The following MERTK variants were observed in gnomAD, a reference collection of about 807,000 sequenced individuals.
MERTK encodes the protein tyrosine-protein kinase Mer.
Under a neutral mutation model 99.3 loss-of-function variants are expected in MERTK, and 69 were observed. The observed-to-expected ratio is 0.70, with a 90% CI of 0.57 to 0.85. The LOEUF is 0.85. Ranked by LOEUF, MERTK falls within the 40% of genes least tolerant of loss-of-function variation. The probability of loss-of-function intolerance (pLI) is 0.00; values close to 1 mark genes in which losing one functional copy is unlikely to be tolerated. For missense variants in MERTK, 1,125 were observed against 1,249.4 expected (o/e 0.90, Z 1.50); for synonymous variants, 426 against 467.6 (o/e 0.91, Z 1.15).
At chr2:111,964,816 A>C (rs561659412) in intron 4 of MERTK, among the ~76,000 whole-genome samples, 6 of 152,336 alleles carry the variant, frequency 3.9e-5, no homozygotes, top group African/African-American at 1.2e-4. Flanking sequence ...TATGCATAGC[A>C]TAGTGGCCCT....
chr2:111,923,559 A>G (rs375040882), intron 1 of MERTK, among the ~76,000 whole-genome samples: 2 of 152,340 alleles, frequency 1.3e-5, no homozygotes, highest in South Asian at 2.1e-4. Flanking sequence ...GTTTATGTGA[A>G]GTTAAAATTC....
chr2:111,993,949 T>C (rs944583406), intron 8 of MERTK, among the ~76,000 whole-genome samples: 27 of 152,326 alleles, frequency 1.8e-4, no homozygotes, highest in Middle Eastern at 6.8e-3. Context: ...AGGCTTGCTC[T>C]GCCGTCCGGG....
rs779091460 is a variant in MERTK at position 112,003,914 on chromosome 2, G to A, written c.1797G>A (p.Gly599=). ...LGKILGEGEF[G]SVMEGNLKQE... Reference sequence around the variant, plus strand: ...TCTTTCACTTCACAGGAGAGTTTGGGTCTGTAATGGAAGGAAATCTTAAGC... The same window carrying A: ...TCTTTCACTTCACAGGAGAGTTTGGATCTGTAATGGAAGGAAATCTTAAGC... The change falls in exon 13 of 19, where the codon GGG becomes GGA. Residue 599 remains glycine, a synonymous_variant. Transcript: ENST00000295408. 6.2e-7 allele frequency: 1 copy of A among 1,613,468 alleles called. No homozygotes were observed. The highest frequency in any genetic ancestry group is 1.1e-5 in the South Asian group (1 of 91,076).
intron 3 of MERTK, among the ~76,000 whole-genome samples, chr2:111,946,508 G>A (rs1684964460): frequency 6.6e-6 from 1 of 152,118 alleles, no homozygotes. Context: ...GAGCTTCCTT[G>A]GGACCTTGAT....
intron 2 of MERTK, chr2:111,940,923 T>A (rs1270529013): frequency 7.4e-6 from 5 of 676,396 alleles, no homozygotes; most frequent in Non-Finnish European, 1.4e-5. Flanking sequence ...TCTTGTAGTA[T>A]CTGATTTTCT....
chr2:112,014,188 A>AT (rs1228197561), intron 15 of MERTK, among the ~76,000 whole-genome samples: 1 of 151,732 alleles, frequency 6.6e-6, no homozygotes, highest in Non-Finnish European at 1.5e-5. Context: ...CACCCAGCTA[A>AT]TTTTTTGTAT....
At chr2:111,938,912 G>A (rs796903000) in intron 2 of MERTK, among the ~76,000 whole-genome samples, 7 of 152,196 alleles carry the variant, frequency 4.6e-5, no homozygotes, top group African/African-American at 1.7e-4. Flanking sequence ...CTCCAGCATG[G>A]TGTGTTAATC....
chr2:111,964,039 C>CTTT (rs1553451938), intron 4 of MERTK, among the ~76,000 whole-genome samples: 5 of 40,504 alleles, frequency 1.2e-4, no homozygotes, highest in African/African-American at 4.6e-4. Context: ...CAAAAATTTT[C>CTTT]TTTCTTTTTT....
At chr2:111,965,789 A>G (rs7579906) in intron 5 of MERTK, among the ~76,000 whole-genome samples, 93,973 of 151,864 alleles carry the variant, frequency 0.62, 29,455 homozygotes, top group Middle Eastern at 0.69. Flanking sequence ...GAAAAGCAAG[A>G]AGCAGATCAC....
chr2:111,917,212 A>G (rs1236535088), intron 1 of MERTK, among the ~76,000 whole-genome samples: 1 of 152,144 alleles, frequency 6.6e-6, no homozygotes, highest in African/African-American at 2.4e-5. Context: ...CCTGGCTCCC[A>G]CATGGTCCTC....
At chr2:111,925,288 A>ATTTT (rs1684536740) in intron 1 of MERTK, among the ~76,000 whole-genome samples, 4 of 37,202 alleles carry the variant, frequency 1.1e-4, no homozygotes, top group East Asian at 2.1e-3. Flanking sequence ...ATATATATAT[A>ATTTT]TATATTTTTT....
At chr2:111,974,090 C>T (rs1053106310) in intron 6 of MERTK, among the ~76,000 whole-genome samples, 3 of 150,418 alleles carry the variant, frequency 2.0e-5, no homozygotes, top group African/African-American at 4.9e-5. Context: ...ATAAAGGACA[C>T]ACTAAAATTA....
intron 9 of MERTK, chr2:111,997,010 CAT>C (rs772425058): frequency 2.4e-5 from 9 of 375,964 alleles, no homozygotes; most frequent in Middle Eastern, 6.8e-4. Context: ...TGTATAATGA[CAT>C]GAGTTTTCTC....
chr2:111,967,048 G>C (rs114526225), intron 5 of MERTK, among the ~76,000 whole-genome samples: 1 of 152,186 alleles, frequency 6.6e-6, no homozygotes, highest in East Asian at 1.9e-4. Context: ...TAGATAGGGC[G>C]TGTGTAGCTG....
chr2:111,971,428 A>AT (rs1167344476), intron 6 of MERTK, among the ~76,000 whole-genome samples: 2 of 151,188 alleles, frequency 1.3e-5, no homozygotes, highest in Non-Finnish European at 2.9e-5. Flanking sequence ...TCTTTTATAT[A>AT]TAAAAAAAAA....
intron 15 of MERTK, among the ~76,000 whole-genome samples, chr2:112,010,715 T>C (rs556073428): frequency 6.2e-4 from 94 of 152,248 alleles, no homozygotes; most frequent in African/African-American, 2.2e-3. Context: ...CTGGGGACAT[T>C]GTATCTTTCA....
intron 1 of MERTK, among the ~76,000 whole-genome samples, chr2:111,916,611 T>C: frequency 6.6e-6 from 1 of 152,206 alleles, no homozygotes; most frequent in East Asian, 1.9e-4. Flanking sequence ...TGCTGTGGCT[T>C]TCTGTTTTTT....
intron 1 of MERTK, among the ~76,000 whole-genome samples, chr2:111,910,267 T>C: frequency 1.5e-5 from 1 of 66,716 alleles, no homozygotes; most frequent in East Asian, 6.7e-4. Context: ...CCTGTCTCTG[T>C]TTTTTGTTTT....
intron 1 of MERTK, among the ~76,000 whole-genome samples, chr2:111,915,667 G>A (rs1005700584): frequency 5.8e-4 from 89 of 152,196 alleles, no homozygotes; most frequent in African/African-American, 1.9e-3. Flanking sequence ...AGGCTGAAGC[G>A]GGTGGATCAC....
Sources: allele counts gnomAD v4.1 joint callset (sites outside exome capture counted in the v4.1 genomes callset), GRCh38; gene constraint gnomAD v4.1.1; transcripts MANE v1.5; gene names NCBI Gene and HGNC (gene_info 2026-07-23, HGNC 2026-07-21).